Variants in SAP18 observed in about 807,000 individuals in gnomAD.
The protein encoded by SAP18 is Sin3A associated protein 18, also known as histone deacetylase complex subunit SAP18.
In SAP18, 4 loss-of-function variants were observed where a neutral mutation model predicts 18.6. The ratio of observed to expected loss-of-function variants is 0.21; its 90% confidence interval spans 0.11 to 0.49. The LOEUF is 0.49. Ranked by LOEUF, SAP18 falls within the 20% of genes least tolerant of loss-of-function variation. The probability of loss-of-function intolerance (pLI) is 0.98; values close to 1 mark genes in which losing one functional copy is unlikely to be tolerated. For synonymous variants in SAP18, 112 were observed against 82.8 expected, an observed-to-expected ratio of 1.35 and a Z score of -1.92; for missense variants, 170 against 226.4, an observed-to-expected ratio of 0.75 and a Z score of 1.60.
intron 2 of SAP18, among the ~76,000 whole-genome samples, chr13:21,145,894 C>T (rs1307594601): frequency 6.6e-6 from 1 of 152,130 alleles, no homozygotes; most frequent in Non-Finnish European, 1.5e-5. Context: ...CTTATTAGCT[C>T]AGGGGACTAT....
exon 1 of SAP18, chr13:21,140,565 G>A (rs1448383400): frequency 1.3e-6 from 2 of 1,599,042 alleles, no homozygotes; most frequent in Admixed American, 3.5e-5. Context: ...GCTCGCTGCA[G>A]GGGTCGGAGG....
chr13:21,140,766 G>A (rs1206434170), intron 1 of SAP18, 85 bp downstream of exon 1: 1 of 1,594,712 alleles, frequency 6.3e-7, no homozygotes, highest in East Asian at 2.2e-5. Context: ...TGTGCTGGAG[G>A]AGATGGTGTT....
chr13:21,147,677 C>G lies in SAP18; in HGVS notation c.*335C>G, dbSNP rs200312611. ...TAGTGGAGGAGCGTATGGTTAAGCCCAAAGGGGCAGAACAAGAAAGCCACG... is the reference window on the plus strand; with the variant it reads ...TAGTGGAGGAGCGTATGGTTAAGCCGAAAGGGGCAGAACAAGAAAGCCACG... On this transcript the variant is annotated 3_prime_UTR_variant, in exon 4 of 4. Transcript: ENST00000621421. 15 of 191,538 alleles carry G rather than the reference C, an allele frequency of 7.8e-5. No homozygotes were observed. The East Asian group carries it at 2.2e-3, about 28-fold the overall frequency. The allele number at this position is 191,538 out of a possible 1,614,324, so 11.9% of individuals were successfully genotyped here.
intron 1 of SAP18, 87 bp downstream of exon 1, chr13:21,140,768 G>T: frequency 1.3e-6 from 2 of 1,595,724 alleles, no homozygotes; most frequent in Non-Finnish European, 8.6e-7. Flanking sequence ...TGCTGGAGGA[G>T]ATGGTGTTTT....
chr13:21,148,543 C>T (rs199721628), exon 4 of SAP18: 1 of 152,084 alleles, frequency 6.6e-6, no homozygotes, highest in Non-Finnish European at 1.5e-5. Flanking sequence ...CTGGTACATA[C>T]AAAAACAGCC....
chr13:21,147,164 C>T (rs372208969), intron 3 of SAP18, 22 bp from the exon 4 acceptor site: 4 of 1,601,484 alleles, frequency 2.5e-6, no homozygotes, highest in Non-Finnish European at 2.6e-6. Flanking sequence ...GATCCATTAA[C>T]AGTTGATTTT....
intron 2 of SAP18, 30 bp from the exon 3 acceptor site, chr13:21,146,775 A>G: frequency 1.3e-6 from 2 of 1,546,552 alleles, no homozygotes; most frequent in Non-Finnish European, 1.8e-6. Context: ...TAATAAGCAA[A>G]TGTAAATGTC....
chr13:21,146,676 A>G (rs1185560010), intron 2 of SAP18, 129 bp from the exon 3 acceptor site: 1 of 710,438 alleles, frequency 1.4e-6, no homozygotes, highest in Non-Finnish European at 2.2e-6. Context: ...AATCTCTAGT[A>G]TAAGACCCTG....
At chr13:21,148,768 G>C (rs1042678268) in exon 4 of SAP18, 5 of 142,604 alleles carry the variant, frequency 3.5e-5, no homozygotes, top group African/African-American at 9.1e-5. Context: ...TGGTGGGGGT[G>C]GGGGGGAACC....
At chr13:21,140,541 G>T (rs772931538) in exon 1 of SAP18, 201 of 1,576,536 alleles carry the variant, frequency 1.3e-4, no homozygotes, top group Middle Eastern at 3.3e-4. Flanking sequence ...CCTCGCGAGA[G>T]ACTTAGTGCT....
chr13:21,144,798 A>G (rs73169602), intron 2 of SAP18, among the ~76,000 whole-genome samples: 11,686 of 152,242 alleles, frequency 0.077, 670 homozygotes, highest in Non-Finnish European at 0.12. Flanking sequence ...CAGTCCTTAG[A>G]AGGTGGGAAG....
rs530592109 is a variant in SAP18 at position 21,140,578 on chromosome 13, A to C, written c.26A>C (p.Gln9Pro). 39 of 1,605,268 alleles carry C rather than the reference A, an allele frequency of 2.4e-5. No individual in the cohort carries two copies. In the South Asian group the frequency reaches 3.8e-4, roughly 16 times the overall value. ...ATGCTCGCTGCAGGGGTCGGAGGTC[A>C]GGGCGAGCGTCTCGCAGGCCGTAGG... Residue 9 changes from glutamine to proline, a missense_variant, in exon 1 of 4, where the codon CAG becomes CCG. Physicochemically the swap from Gln to Pro is moderately conservative, Grantham distance 76 (BLOSUM62 -1). Around this residue, in one of 2 missense-constraint regions of SAP18, gnomAD observed 60 missense variants for 26.2 expected, o/e 2.29. Coordinates refer to ENST00000621421, the Ensembl canonical transcript of SAP18.
intron 2 of SAP18, among the ~76,000 whole-genome samples, chr13:21,144,772 T>G (rs1164075041): frequency 2.0e-5 from 3 of 152,136 alleles, no homozygotes; most frequent in Non-Finnish European, 2.9e-5. Flanking sequence ...GCACTCCAAT[T>G]GTTGGTCTGG....
intron 2 of SAP18, chr13:21,141,286 A>T (rs1478312544): frequency 4.4e-6 from 2 of 455,144 alleles, no homozygotes; most frequent in African/African-American, 4.0e-5. Flanking sequence ...TAGGTAGATA[A>T]ATATGTTGTA....
At chr13:21,140,730 C>T (rs751259780) in intron 1 of SAP18, 49 bp downstream of exon 1, 5 of 1,599,528 alleles carry the variant, frequency 3.1e-6, no homozygotes, top group African/African-American at 1.3e-5. Context: ...GGGGATGAGT[C>T]CCGCAGGGTG....
At chr13:21,147,426 T>C (rs1869687608) in exon 4 of SAP18, 4 of 1,234,114 alleles carry the variant, frequency 3.2e-6, no homozygotes, top group Non-Finnish European at 4.6e-6. Context: ...ATTATTGCCA[T>C]TAAGCCTTTA....
At chr13:21,145,693 A>G (rs1045865348) in intron 2 of SAP18, among the ~76,000 whole-genome samples, 2 of 152,152 alleles carry the variant, frequency 1.3e-5, no homozygotes, top group Admixed American at 6.5e-5. Context: ...TTGGATTTTT[A>G]GTAGAAACGG....
chr13:21,140,735 AG>A (rs1280871805), intron 1 of SAP18, 54 bp downstream of exon 1: 2 of 1,597,506 alleles, frequency 1.3e-6, no homozygotes, highest in East Asian at 4.5e-5. Context: ...TGAGTCCCGC[AG>A]GGTGCAGAGG....
intron 2 of SAP18, among the ~76,000 whole-genome samples, chr13:21,143,526 GA>G (rs1869540214): frequency 6.6e-6 from 1 of 152,192 alleles, no homozygotes; most frequent in Non-Finnish European, 1.5e-5. Context: ...ATGGCTTGAT[GA>G]AAATCTCTTC....
Sources: gnomAD v4.1 joint callset for allele counts (sites outside exome capture counted in the v4.1 genomes callset) on GRCh38, gnomAD v4.1.1 for gene constraint, gnomAD v4.1.1 regional missense constraint, MANE v1.5 for transcripts, NCBI Gene and HGNC (gene_info 2026-07-23, HGNC 2026-07-21) for gene names.